CNTN5: variants seen among roughly 807,000 people sequenced by gnomAD.
CNTN5 encodes contactin 5, also known as contactin-5.
In CNTN5, 77 loss-of-function variants were observed where a neutral mutation model predicts 129.1. The observed-to-expected ratio is 0.60, with a 90% confidence interval of 0.50 to 0.72. The LOEUF (loss-of-function observed/expected upper bound fraction) is 0.72, where lower values mean the gene tolerates loss of function less well. CNTN5 is among the 30% of genes least tolerant of loss of function. The pLI, the probability that CNTN5 is intolerant of heterozygous loss-of-function variation, is 0.00. For synonymous variants in CNTN5, 509 were observed against 465.6 expected, an observed-to-expected ratio of 1.09 and a Z score of -1.20; for missense variants, 1,478 against 1,328.8, an observed-to-expected ratio of 1.11 and a Z score of -1.75.
chr11:99,065,735 C>T (rs935660136), intron 1 of CNTN5, among the ~76,000 whole-genome samples: 1 of 149,824 alleles, frequency 6.7e-6, no homozygotes, highest in Non-Finnish European at 1.5e-5. Flanking sequence ...ACAGAGGCCT[C>T]ATTAGAGTTG....
intron 6 of CNTN5, among the ~76,000 whole-genome samples, chr11:99,896,652 G>C (rs900966837): frequency 1.3e-5 from 2 of 152,110 alleles, no homozygotes; most frequent in African/African-American, 4.8e-5. Context: ...CACAATTGTT[G>C]CTTCCATTGA....
At chr11:99,423,379 C>T (rs1363834056) in intron 2 of CNTN5, among the ~76,000 whole-genome samples, 1 of 152,198 alleles carries the variant, frequency 6.6e-6, no homozygotes, top group Non-Finnish European at 1.5e-5. Context: ...ATGATGTTTA[C>T]ATTTCAAAGA....
chr11:99,981,997 T>C (rs753854401), intron 8 of CNTN5, among the ~76,000 whole-genome samples: 1 of 152,208 alleles, frequency 6.6e-6, no homozygotes, highest in Non-Finnish European at 1.5e-5. Flanking sequence ...CCTAGGAGTT[T>C]GTAGGATGGA....
intron 13 of CNTN5, among the ~76,000 whole-genome samples, chr11:100,079,853 T>A (rs562991596): frequency 6.6e-6 from 1 of 152,158 alleles, no homozygotes; most frequent in Non-Finnish European, 1.5e-5. Flanking sequence ...GTTCTGCTCA[T>A]CAAACTCATA....
At chr11:99,739,438 C>T (rs1263497347) in intron 3 of CNTN5, among the ~76,000 whole-genome samples, 1 of 151,958 alleles carries the variant, frequency 6.6e-6, no homozygotes, top group Non-Finnish European at 1.5e-5. Context: ...TCTTTTACAC[C>T]TCCGATTTGC....
chr11:99,338,016 C>A (rs1866311067), intron 2 of CNTN5, among the ~76,000 whole-genome samples: 1 of 151,940 alleles, frequency 6.6e-6, no homozygotes, highest in South Asian at 2.1e-4. Flanking sequence ...AGTTTAAATT[C>A]ATAAACTTAT....
intron 15 of CNTN5, among the ~76,000 whole-genome samples, chr11:100,217,022 T>C (rs928295375): frequency 6.6e-6 from 1 of 152,188 alleles, no homozygotes; most frequent in Non-Finnish European, 1.5e-5. Flanking sequence ...TTTTCTCAAC[T>C]GCTATGGGAA....
intron 3 of CNTN5, among the ~76,000 whole-genome samples, chr11:99,653,542 C>T (rs1011525101): frequency 6.6e-6 from 1 of 151,844 alleles, no homozygotes; most frequent in African/African-American, 2.4e-5. Context: ...GCTAGGAAAA[C>T]GGAAGTCCTC....
At chr11:99,195,691 A>C (rs1229940687) in intron 1 of CNTN5, among the ~76,000 whole-genome samples, 1 of 152,066 alleles carries the variant, frequency 6.6e-6, no homozygotes, top group South Asian at 2.1e-4. Flanking sequence ...TATTTAAAAC[A>C]TTTACAAATT....
At chr11:99,032,831 A>G (rs1863468445) in intron 1 of CNTN5, among the ~76,000 whole-genome samples, 1 of 146,924 alleles carries the variant, frequency 6.8e-6, no homozygotes. Context: ...TTTAGACATG[A>G]AGTCCTTGTC....
chr11:99,452,781 A>T (rs1944356671), intron 2 of CNTN5, among the ~76,000 whole-genome samples: 1 of 152,294 alleles, frequency 6.6e-6, no homozygotes, highest in African/African-American at 2.4e-5. Context: ...TGAATCAAGA[A>T]AATGATTATT....
intron 3 of CNTN5, among the ~76,000 whole-genome samples, chr11:99,763,137 AATG>A (rs1944643045): frequency 2.0e-5 from 1 of 48,784 alleles, no homozygotes; most frequent in African/African-American, 6.7e-5. Context: ...CTGTATCAAC[AATG>A]TTTTCTCTGA....
intron 3 of CNTN5, among the ~76,000 whole-genome samples, chr11:99,723,320 G>T (rs984001902): frequency 6.6e-6 from 1 of 152,032 alleles, no homozygotes; most frequent in Non-Finnish European, 1.5e-5. Context: ...AGACCATGCT[G>T]CCTGGTCTCA....
intron 1 of CNTN5, among the ~76,000 whole-genome samples, chr11:99,121,233 C>T (rs1858310114): frequency 6.6e-6 from 1 of 151,096 alleles, no homozygotes; most frequent in South Asian, 2.1e-4. Flanking sequence ...CTTCTGGGTT[C>T]AAGTGATTCT....
At chr11:99,946,106 C>T (rs75871582) in intron 7 of CNTN5, among the ~76,000 whole-genome samples, 299 of 152,218 alleles carry the variant, frequency 2.0e-3, no homozygotes, top group South Asian at 0.011. Flanking sequence ...TCATCTTTAA[C>T]GGTCATCTCC....
intron 2 of CNTN5, among the ~76,000 whole-genome samples, chr11:99,445,198 TGA>T (rs1251517659): frequency 8.0e-5 from 12 of 150,788 alleles, no homozygotes; most frequent in Non-Finnish European, 1.2e-4. Context: ...TGTATGTGTG[TGA>T]GTGTGGTGTG....
intron 1 of CNTN5, among the ~76,000 whole-genome samples, chr11:99,108,764 C>T (rs1049516503): frequency 2.8e-4 from 43 of 151,940 alleles, no homozygotes; most frequent in African/African-American, 9.9e-4. Context: ...AGGAAAAAAT[C>T]AGAAATATAG....
intron 3 of CNTN5, among the ~76,000 whole-genome samples, chr11:99,575,824 G>C (rs1175889109): frequency 6.6e-6 from 1 of 152,152 alleles, no homozygotes; most frequent in African/African-American, 2.4e-5. Context: ...TCTCCCCAGG[G>C]GTGGAGCTGG....
At chr11:99,815,543 C>T (rs1051767703) in intron 3 of CNTN5, among the ~76,000 whole-genome samples, 1 of 152,072 alleles carries the variant, frequency 6.6e-6, no homozygotes, top group Non-Finnish European at 1.5e-5. Context: ...GCTTATTTGT[C>T]AAATAGAATG....
Sources: allele counts gnomAD v4.1 joint callset (sites outside exome capture counted in the v4.1 genomes callset), GRCh38; gene constraint gnomAD v4.1.1; transcripts MANE v1.5; gene names NCBI Gene and HGNC (gene_info 2026-07-23, HGNC 2026-07-21).